The following KDM6A variants were observed in gnomAD, a reference collection of about 807,000 sequenced individuals.
KDM6A encodes the protein lysine-specific demethylase 6A.
In KDM6A, 11 loss-of-function variants were observed where a neutral mutation model predicts 117.6. The observed-to-expected ratio is 0.09, with a 90% CI of 0.06 to 0.15. KDM6A has a LOEUF of 0.15. Ranked by LOEUF, KDM6A falls within the 10% of genes least tolerant of loss-of-function variation. KDM6A has a pLI of 1.00. For synonymous variants in KDM6A, 384 were observed against 396.1 expected, an observed-to-expected ratio of 0.97 and a Z score of 0.36; for missense variants, 799 against 1,077.3, an observed-to-expected ratio of 0.74 and a Z score of 3.62.
At chrX:44,882,353 C>T (rs1259667344) in intron 2 of KDM6A, among the ~76,000 whole-genome samples, 1 of 112,064 alleles carries the variant, frequency 8.9e-6, no homozygotes, top group Admixed American at 9.6e-5. Context: ...AGCAATCAGT[C>T]ACAGCATTTA....
chrX:45,100,847 T>C (rs1441009461), intron 27 of KDM6A, among the ~76,000 whole-genome samples: 3 of 109,396 alleles, frequency 2.7e-5, no homozygotes, highest in Non-Finnish European at 5.7e-5. Context: ...CTTTCTTCTT[T>C]TTTTTTTTAA....
chrX:44,914,555 T>TTAC (rs1448286572), intron 2 of KDM6A, among the ~76,000 whole-genome samples: 1 of 111,240 alleles, frequency 9.0e-6, no homozygotes, highest in African/African-American at 3.3e-5. Context: ...AAGAAAGATG[T>TTAC]TACTATTAGG....
chrX:45,040,826 T>C (rs1354320905), intron 8 of KDM6A, among the ~76,000 whole-genome samples: 60 of 33,506 alleles, frequency 1.8e-3, no homozygotes, highest in South Asian at 2.1e-3. Flanking sequence ...GGGGGGCTGA[T>C]CCCCCCACCT....
At chrX:44,919,579 T>G (rs1281500526) in intron 2 of KDM6A, among the ~76,000 whole-genome samples, 1 of 111,233 alleles carries the variant, frequency 9.0e-6, no homozygotes, top group African/African-American at 3.3e-5. Context: ...AAAGCACTCC[T>G]TTAGCTTCAT....
At chrX:45,024,440 T>C (rs2147699554) in intron 6 of KDM6A, among the ~76,000 whole-genome samples, 1 of 112,126 alleles carries the variant, frequency 8.9e-6, no homozygotes, top group East Asian at 2.8e-4. Flanking sequence ...ATATCTTCTT[T>C]TGAGAATTTT....
At chrX:44,970,229 A>T (rs1173809214) in intron 3 of KDM6A, among the ~76,000 whole-genome samples, 3 of 111,996 alleles carry the variant, frequency 2.7e-5, no homozygotes, top group Non-Finnish European at 3.8e-5. Flanking sequence ...ACAAATGCTC[A>T]TGGAAGAAAT....
intron 2 of KDM6A, among the ~76,000 whole-genome samples, chrX:44,915,994 GAGAA>G (rs1160605693): frequency 9.0e-6 from 1 of 111,577 alleles, no homozygotes; most frequent in Non-Finnish European, 1.9e-5. Flanking sequence ...AATATTTAGA[GAGAA>G]AGACCACATT....
chrX:45,008,233 G>T (rs960364553), intron 4 of KDM6A, among the ~76,000 whole-genome samples: 1 of 110,764 alleles, frequency 9.0e-6, no homozygotes, highest in Non-Finnish European at 1.9e-5. Context: ...AATTAGCTGG[G>T]CGTGGTGGCG....
chrX:44,986,871 G>A (rs1051823472), intron 4 of KDM6A, among the ~76,000 whole-genome samples: 7 of 111,922 alleles, frequency 6.3e-5, no homozygotes, highest in Admixed American at 9.5e-5. Flanking sequence ...GTGGTGCTGA[G>A]AAGAATGTAT....
intron 2 of KDM6A, among the ~76,000 whole-genome samples, chrX:44,938,922 A>G (rs962501600): frequency 6.2e-5 from 7 of 112,555 alleles, no homozygotes; most frequent in Non-Finnish European, 9.4e-5. Flanking sequence ...TTTACAGCAT[A>G]GTCTACTGAA....
rs1305260528 is a variant in KDM6A at position 44,873,885 on chromosome X, C to T, written c.162-39C>T. On this transcript the variant is annotated intron_variant, in intron 1 of 29. Transcript: ENST00000611820. ...CGGGCAGGGACGGGTCGGTGGCGTT[C>T]CCTGAGCGTTAACGAGTAAACTGTG... 3 of 1,191,870 alleles carry T rather than the reference C, an allele frequency of 2.5e-6. No individual in the cohort carries two copies. The African/African-American group carries it at 5.2e-5, about 21-fold the overall frequency.
intron 4 of KDM6A, among the ~76,000 whole-genome samples, chrX:44,981,500 C>A (rs1302676639): frequency 8.9e-6 from 1 of 111,844 alleles, no homozygotes; most frequent in Non-Finnish European, 1.9e-5. Context: ...CAGAAGCTCT[C>A]CAAACCCTGT....
chrX:44,884,424 A>G (rs997573993), intron 2 of KDM6A, among the ~76,000 whole-genome samples: 48 of 111,604 alleles, frequency 4.3e-4, no homozygotes, highest in African/African-American at 1.5e-3. Context: ...ATTTTAGGAT[A>G]GAATTCTGTT....
intron 2 of KDM6A, among the ~76,000 whole-genome samples, chrX:44,920,611 T>C (rs1191652488): frequency 9.3e-6 from 1 of 107,625 alleles, no homozygotes; most frequent in Non-Finnish European, 1.9e-5. Flanking sequence ...GCTAATTTTT[T>C]GTAGTTTTGG....
chrX:44,936,740 G>A (rs58935669), intron 2 of KDM6A, among the ~76,000 whole-genome samples: 1,337 of 112,017 alleles, frequency 0.012, 26 homozygotes, highest in African/African-American at 0.041. Flanking sequence ...TATATACATA[G>A]CCTACAGGTA....
intron 10 of KDM6A, among the ~76,000 whole-genome samples, chrX:45,055,092 G>A (rs2044016397): frequency 9.0e-6 from 1 of 110,939 alleles, no homozygotes; most frequent in African/African-American, 3.3e-5. Context: ...TGCTCTAAAG[G>A]TTCCAATTTT....
intron 2 of KDM6A, among the ~76,000 whole-genome samples, chrX:44,932,296 G>A (rs1397951042): frequency 1.9e-5 from 2 of 106,873 alleles, no homozygotes; most frequent in Non-Finnish European, 3.9e-5. Flanking sequence ...TGGTGGGGTG[G>A]GGGGTGGTCT....
At chrX:45,004,661 G>A (rs2041337220) in intron 4 of KDM6A, among the ~76,000 whole-genome samples, 1 of 110,837 alleles carries the variant, frequency 9.0e-6, no homozygotes, top group South Asian at 3.8e-4. Flanking sequence ...CGGGTTCGGG[G>A]TACTGACTCC....
intron 28 of KDM6A, among the ~76,000 whole-genome samples, chrX:45,108,185 T>C (rs2046603595): frequency 9.0e-6 from 1 of 111,136 alleles, no homozygotes; most frequent in African/African-American, 3.3e-5. Context: ...GAGTATGATA[T>C]CAAGTAGACT....
Sources: allele counts gnomAD v4.1 joint callset (sites outside exome capture counted in the v4.1 genomes callset), GRCh38; gene constraint gnomAD v4.1.1; transcripts MANE v1.5; gene names NCBI Gene and HGNC (gene_info 2026-07-23, HGNC 2026-07-21).